Variants in SYN2 observed in about 807,000 individuals in gnomAD.
SYN2 encodes synapsin II, also known as synapsin-2.
A neutral mutation model predicts 50.9 loss-of-function variants in SYN2; 19 were observed. The ratio of observed to expected loss-of-function variants is 0.37; its 90% CI spans 0.26 to 0.55. The LOEUF is 0.55. SYN2 is among the 20% of genes least tolerant of loss of function. The probability of loss-of-function intolerance (pLI) is 0.81; values close to 1 mark genes in which losing one functional copy is unlikely to be tolerated. For synonymous variants in SYN2, 255 were observed against 224.9 expected, an observed-to-expected ratio of 1.13 and a Z score of -1.20; for missense variants, 587 against 576.4, an observed-to-expected ratio of 1.02 and a Z score of -0.19.
At chr3:12,019,142 T>G (rs1354504150) in intron 1 of SYN2, among the ~76,000 whole-genome samples, 1 of 152,234 alleles carries the variant, frequency 6.6e-6, no homozygotes, top group Non-Finnish European at 1.5e-5. Flanking sequence ...AAGTCTTATT[T>G]GCCAGTGCAA....
chr3:12,083,837 A>G (rs1695632691), intron 1 of SYN2, among the ~76,000 whole-genome samples: 1 of 152,194 alleles, frequency 6.6e-6, no homozygotes, highest in African/African-American at 2.4e-5. Context: ...ACCTAGCAGA[A>G]TTACCACAAT....
chr3:12,012,581 C>G (rs1693939564), intron 1 of SYN2, among the ~76,000 whole-genome samples: 2 of 152,194 alleles, frequency 1.3e-5, no homozygotes, highest in Admixed American at 1.3e-4. Context: ...TTGCTGTACT[C>G]TGGATTACCC....
At chr3:12,036,120 G>T (rs1694493255) in intron 1 of SYN2, among the ~76,000 whole-genome samples, 1 of 152,214 alleles carries the variant, frequency 6.6e-6, no homozygotes, top group South Asian at 2.1e-4. Context: ...TTGGAGTGGG[G>T]CCCAGCAGAC....
At chr3:12,053,973 C>T (rs921700349) in intron 1 of SYN2, among the ~76,000 whole-genome samples, 8 of 152,060 alleles carry the variant, frequency 5.3e-5, no homozygotes, top group African/African-American at 9.7e-5. Flanking sequence ...ACATTAAATG[C>T]GAATCCTTTA....
At chr3:12,035,673 A>T (rs1694483757) in intron 1 of SYN2, among the ~76,000 whole-genome samples, 1 of 152,234 alleles carries the variant, frequency 6.6e-6, no homozygotes, top group South Asian at 2.1e-4. Flanking sequence ...TCATAGGTAG[A>T]TTCAAAGATG....
Position 12,187,646 on chromosome 3 carries a change from C to T in SYN2, c.1613+34C>T, listed in dbSNP as rs374606704. 709 of 1,508,820 alleles carry T rather than the reference C, an allele frequency of 4.7e-4. 1 individual carries two copies. In the African/African-American group the frequency reaches 4.9e-3, roughly 10 times the overall value. 93.5% of individuals were successfully genotyped at this position (1,508,820 alleles called of 1,614,324 possible). A position where few individuals can be genotyped will look rare whatever the true frequency, so the allele number is the denominator to read the frequency against. On this transcript the variant is annotated intron_variant, in intron 12 of 12. Transcript: ENST00000621198. ...CAACTCAGCAGCTCCTCCCTCCCCT[C>T]CTCCTACCCTTCCTGTGGGCCTTGG...
intron 1 of SYN2, among the ~76,000 whole-genome samples, chr3:12,057,287 CTGTGTGTGTGTGTGTGTGTG>C (rs59286785): frequency 1.5e-5 from 2 of 134,004 alleles, no homozygotes; most frequent in South Asian, 2.4e-4. Context: ...GCAAGACTGT[CTGTGTGTGTGTGTGTGTGTG>C]TGTGTGTGTG....
chr3:12,150,524 A>C lies in SYN2; in HGVS notation c.685-713A>C, dbSNP rs137940289. Among the ~76,000 whole-genome samples, 395 of 152,216 alleles carry C rather than the reference A, an allele frequency of 2.6e-3. 2 individuals are homozygous for C. Among genetic ancestry groups the C allele is most frequent in the Admixed American group, 0.019 (291 of 15,300 alleles). ...GCGGGGTGGGGGAGCCCAGGTGTGC[A>C]CTAAGAAAGCCTTTCAACCCTGACA... On this transcript the variant is annotated intron_variant, in intron 4 of 12. Transcript: ENST00000621198.
Position 12,019,033 on chromosome 3 carries a change from TC to T in SYN2, c.377+14107del, listed in dbSNP as rs560275828. ...TTCTTACTTTTTGGTGCCTTCTCTCTCCAATGATGCCTCTTATTCTCTGTCT... is the reference window on the plus strand; with the variant it reads ...TTCTTACTTTTTGGTGCCTTCTCTCTCAATGATGCCTCTTATTCTCTGTCT... On this transcript the variant is annotated intron_variant, in intron 1 of 12. Transcript: ENST00000621198. Among the ~76,000 whole-genome samples the T allele has an allele frequency of 5.6e-3, 860 of 152,342 alleles. 24 individuals carry two copies. Among genetic ancestry groups the T allele is most frequent in the Non-Finnish European group, 9.1e-4 (62 of 68,026 alleles).
intron 1 of SYN2, among the ~76,000 whole-genome samples, chr3:12,120,591 C>T (rs994160725): frequency 2.0e-5 from 3 of 152,190 alleles, no homozygotes; most frequent in Non-Finnish European, 4.4e-5. Flanking sequence ...AAGCCAAATG[C>T]CATGGCCAGG....
intron 10 of SYN2, among the ~76,000 whole-genome samples, chr3:12,171,400 C>T (rs1697932309): frequency 6.6e-6 from 1 of 152,170 alleles, no homozygotes; most frequent in African/African-American, 2.4e-5. Flanking sequence ...AACCAGGTTA[C>T]TGCTTGTCCC....
At chr3:12,153,430 G>T in intron 5 of SYN2, 1 of 1,483,990 alleles carries the variant, frequency 6.7e-7, no homozygotes, top group Non-Finnish European at 9.4e-7. Flanking sequence ...AAGAGGTCAG[G>T]TGGTAATGGC....
At chr3:12,144,653 T>C (rs1357512315) in intron 3 of SYN2, among the ~76,000 whole-genome samples, 1 of 152,186 alleles carries the variant, frequency 6.6e-6, no homozygotes, top group Non-Finnish European at 1.5e-5. Flanking sequence ...ATTTGTACCT[T>C]AGAAAAAGGT....
chr3:12,029,287 G>A, intron 1 of SYN2, among the ~76,000 whole-genome samples: 1 of 130,554 alleles, frequency 7.7e-6, no homozygotes, highest in Non-Finnish European at 1.5e-5. Context: ...TAGCCTTGTA[G>A]TATAGTTTGA....
At chr3:12,092,411 C>A (rs1163124292) in intron 1 of SYN2, among the ~76,000 whole-genome samples, 1 of 152,144 alleles carries the variant, frequency 6.6e-6, no homozygotes. Flanking sequence ...GAGCAATTAA[C>A]CTCTCATCTG....
At chr3:12,142,022 C>G (rs749015647) in intron 3 of SYN2, 26 bp downstream of exon 3, 1 of 780,256 alleles carries the variant, frequency 1.3e-6, no homozygotes, top group African/African-American at 1.7e-5. Context: ...TCCTCAGGAT[C>G]ATTGTGACTG....
intron 5 of SYN2, chr3:12,157,613 A>T: frequency 1.3e-6 from 1 of 783,030 alleles, no homozygotes; most frequent in South Asian, 1.6e-5. Context: ...GGTTGTGAGC[A>T]ACGTGATGTG....
chr3:12,098,309 T>G (rs1460603763), intron 1 of SYN2, among the ~76,000 whole-genome samples: 1 of 152,256 alleles, frequency 6.6e-6, no homozygotes, highest in African/African-American at 2.4e-5. Flanking sequence ...AAGGAGAAAT[T>G]AAAACATTCC....
chr3:12,161,513 C>CT (rs747476746), intron 5 of SYN2, 33 bp from the exon 6 acceptor site: 103 of 1,612,888 alleles, frequency 6.4e-5, no homozygotes, highest in Non-Finnish European at 7.9e-5. Flanking sequence ...TGGGCACACT[C>CT]TGACAGTTTA....
Sources: allele counts gnomAD v4.1 joint callset (sites outside exome capture counted in the v4.1 genomes callset), GRCh38; gene constraint gnomAD v4.1.1; transcripts MANE v1.5; gene names NCBI Gene and HGNC (gene_info 2026-07-23, HGNC 2026-07-21).